Variants in NDEL1 observed in about 807,000 individuals in gnomAD.
NDEL1 encodes nudE neurodevelopment protein 1 like 1.
In NDEL1, 9 loss-of-function variants were observed where a neutral mutation model predicts 45.7. The observed-to-expected ratio is 0.20, with a 90% CI of 0.12 to 0.34. The LOEUF is 0.34. Among genes scored for constraint, NDEL1 ranks in the 10% least tolerant of loss-of-function variants. The probability of loss-of-function intolerance (pLI) is 1.00; values close to 1 mark genes in which losing one functional copy is unlikely to be tolerated. For synonymous variants in NDEL1, 133 were observed against 158.6 expected (o/e 0.84, Z 1.21); for missense variants, 306 against 406.2 (o/e 0.75, Z 2.12).
intron 1 of NDEL1, among the ~76,000 whole-genome samples, chr17:8,424,857 C>T (rs779817508): frequency 9.2e-5 from 14 of 152,050 alleles, no homozygotes; most frequent in Non-Finnish European, 1.5e-4. Context: ...TTTGTAGAGA[C>T]GGGCTCTCAC....
intron 1 of NDEL1, among the ~76,000 whole-genome samples, chr17:8,438,939 CTTTT>C (rs374840633): frequency 7.4e-6 from 1 of 135,914 alleles, no homozygotes; most frequent in East Asian, 2.2e-4. Flanking sequence ...TTGCTTTGTT[CTTTT>C]TTTTTTTTTT....
At chr17:8,421,555 A>C (rs1462030247) in intron 1 of NDEL1, among the ~76,000 whole-genome samples, 1 of 152,208 alleles carries the variant, frequency 6.6e-6, no homozygotes, top group Non-Finnish European at 1.5e-5. Flanking sequence ...TTCAGGAGGA[A>C]CCAACGCTGC....
chr17:8,429,256 C>G (rs1908943559), intron 1 of NDEL1, among the ~76,000 whole-genome samples: 1 of 152,120 alleles, frequency 6.6e-6, no homozygotes. Flanking sequence ...AGCCACCAGA[C>G]CATTGGTTCA....
At chr17:8,415,588 G>A (rs1908529197) in intron 1 of NDEL1, among the ~76,000 whole-genome samples, 1 of 151,194 alleles carries the variant, frequency 6.6e-6, no homozygotes, top group South Asian at 2.1e-4. Context: ...GGCACGTGCT[G>A]CCATACTTGG....
chr17:8,416,809 G>C (rs1030887641), intron 1 of NDEL1, among the ~76,000 whole-genome samples: 16 of 151,858 alleles, frequency 1.1e-4, no homozygotes, highest in African/African-American at 3.9e-4. Flanking sequence ...TTAGACTTTG[G>C]GGTTTATCCT....
chr17:8,424,332 A>G (rs1277342573), intron 1 of NDEL1, among the ~76,000 whole-genome samples: 1 of 152,244 alleles, frequency 6.6e-6, no homozygotes, highest in Non-Finnish European at 1.5e-5. Flanking sequence ...ATTCCACTTC[A>G]TTAGTCCTTT....
At chr17:8,418,274 A>T (rs953395947) in intron 1 of NDEL1, among the ~76,000 whole-genome samples, 1 of 152,176 alleles carries the variant, frequency 6.6e-6, no homozygotes, top group Non-Finnish European at 1.5e-5. Context: ...GGAAGTGAAG[A>T]TACACGTGTT....
At chr17:8,416,036 C>T (rs976578404) in intron 1 of NDEL1, among the ~76,000 whole-genome samples, 1 of 152,132 alleles carries the variant, frequency 6.6e-6, no homozygotes, top group Non-Finnish European at 1.5e-5. Flanking sequence ...CATGAGCCAC[C>T]GCGCCTGGCC....
upstream of NDEL1, chr17:8,435,738 C>T (rs1285732317): frequency 3.5e-5 from 12 of 338,126 alleles, no homozygotes; most frequent in Non-Finnish European, 7.0e-5. Context: ...CAAGAGGACG[C>T]CGTCAGCTTG....
chr17:8,458,212 C>A (rs183111373), intron 7 of NDEL1, among the ~76,000 whole-genome samples: 5 of 151,866 alleles, frequency 3.3e-5, no homozygotes, highest in African/African-American at 4.8e-5. Flanking sequence ...TTCTCTGATG[C>A]TGTTTCATGG....
At chr17:8,423,960 G>A (rs1908762071) in intron 1 of NDEL1, among the ~76,000 whole-genome samples, 1 of 152,128 alleles carries the variant, frequency 6.6e-6, no homozygotes, top group Non-Finnish European at 1.5e-5. Context: ...CATTTACAAA[G>A]AATTTTGAGG....
upstream of NDEL1, among the ~76,000 whole-genome samples, chr17:8,435,151 T>C (rs542131905): frequency 1.1e-4 from 17 of 152,164 alleles, no homozygotes; most frequent in South Asian, 4.1e-4. Flanking sequence ...CTCCATTTCT[T>C]GGGGGACCTG....
chr17:8,427,248 A>G (rs980434619), intron 1 of NDEL1, among the ~76,000 whole-genome samples: 1 of 152,194 alleles, frequency 6.6e-6, no homozygotes. Flanking sequence ...TCCAGAAGCT[A>G]ATGAGGATGC....
intron 1 of NDEL1, among the ~76,000 whole-genome samples, chr17:8,415,103 C>T (rs1908512966): frequency 1.6e-5 from 1 of 64,296 alleles, no homozygotes; most frequent in African/African-American, 4.1e-5. Flanking sequence ...TTCCTTTCTT[C>T]CTCCCTCCCT....
At chr17:8,415,442 T>TTA (rs1365287463) in intron 1 of NDEL1, among the ~76,000 whole-genome samples, 1 of 148,936 alleles carries the variant, frequency 6.7e-6, no homozygotes, top group Non-Finnish European at 1.5e-5. Flanking sequence ...ATTTATTTAT[T>TTA]TATTTATTTA....
At chr17:8,460,187 AT>A in intron 8 of NDEL1, 27 bp downstream of exon 8, 1 of 1,598,138 alleles carries the variant, frequency 6.3e-7, no homozygotes, top group African/African-American at 1.3e-5. Context: ...TTAAGTGATA[AT>A]TTTTTGAGTA....
chr17:8,470,140 C>G (rs571171624), downstream of NDEL1, among the ~76,000 whole-genome samples: 5 of 152,226 alleles, frequency 3.3e-5, no homozygotes, highest in African/African-American at 1.2e-4. This position sits in a 1 kb window ranked among gnomAD's most constrained non-coding sequence, Gnocchi z 4.2. Flanking sequence ...TGGACATGGT[C>G]AGAGAGAGCA....
intron 1 of NDEL1, among the ~76,000 whole-genome samples, chr17:8,423,535 A>G (rs568562509): frequency 6.6e-6 from 1 of 152,182 alleles, no homozygotes; most frequent in African/African-American, 2.4e-5. Flanking sequence ...AATACAAAAA[A>G]TAGCCAGGCA....
chr17:8,427,920 T>C lies in NDEL1; in HGVS notation c.-13+14651T>C, dbSNP rs117817538. 3.3e-4 allele frequency among the ~76,000 whole-genome samples: 51 copies of C among 152,326 alleles called. No individual in the cohort carries two copies. In the East Asian group the frequency reaches 9.8e-3, roughly 29 times the overall value. On this transcript the variant is annotated intron_variant, in intron 1 of 4. Transcript: ENST00000582812. ...AAGGCATTTGCATGTACTTTTATGT[T>C]CTTTTAAAATTTCACATCTTGGTTA...
Sources: gnomAD v4.1 joint callset for allele counts (sites outside exome capture counted in the v4.1 genomes callset) on GRCh38, gnomAD v4.1.1 for gene constraint, Gnocchi (gnomAD v3.1) non-coding constraint, MANE v1.5 for transcripts, NCBI Gene and HGNC (gene_info 2026-07-23, HGNC 2026-07-21) for gene names.